APLF: variants seen among roughly 807,000 people sequenced by gnomAD.
APLF encodes aprataxin and PNKP like factor, also known as aprataxin and PNK-like factor.
Under a neutral mutation model 55.6 loss-of-function variants are expected in APLF, and 61 were observed. The observed-to-expected ratio is 1.10, with a 90% CI of 0.89 to 1.36. The LOEUF (loss-of-function observed/expected upper bound fraction) is 1.36. Ranked by LOEUF, APLF falls within the 40% of genes most tolerant of loss-of-function variation. The pLI is 0.00. For synonymous variants in APLF, 207 were observed against 214.8 expected (o/e 0.96, Z 0.32); for missense variants, 611 against 602.5 (o/e 1.01, Z -0.15).
At chr2:68,572,111 G>A (rs1279733659) in intron 9 of APLF, among the ~76,000 whole-genome samples, 5 of 152,004 alleles carry the variant, frequency 3.3e-5, no homozygotes, top group African/African-American at 1.2e-4. Flanking sequence ...AGGAGGCTTA[G>A]TGGGATTTAC....
intron 7 of APLF, 114 bp from the exon 8 acceptor site, chr2:68,545,073 T>G: frequency 1.6e-6 from 2 of 1,219,172 alleles, no homozygotes; most frequent in Non-Finnish European, 2.3e-6. Context: ...ATGTAGCATG[T>G]TGGTTTATGT....
chr2:68,570,758 G>A (rs1296819590), intron 9 of APLF, among the ~76,000 whole-genome samples: 2 of 152,080 alleles, frequency 1.3e-5, no homozygotes, highest in East Asian at 1.9e-4. Flanking sequence ...AAACATATAC[G>A]TGTGCATGTG....
intron 9 of APLF, among the ~76,000 whole-genome samples, chr2:68,575,863 A>G (rs1180462509): frequency 6.6e-6 from 1 of 152,148 alleles, no homozygotes; most frequent in Non-Finnish European, 1.5e-5. Context: ...GTATCCAGAT[A>G]AATGAGTCTG....
At chr2:68,574,892 G>A (rs1379738070) in intron 9 of APLF, among the ~76,000 whole-genome samples, 1 of 152,148 alleles carries the variant, frequency 6.6e-6, no homozygotes, top group African/African-American at 2.4e-5. Flanking sequence ...AAGATGTTCA[G>A]TAGTTGATTT....
At chr2:68,561,725 G>A (rs1038789164) in intron 8 of APLF, among the ~76,000 whole-genome samples, 2 of 151,988 alleles carry the variant, frequency 1.3e-5, no homozygotes, top group Non-Finnish European at 2.9e-5. Flanking sequence ...AGTGCAGAGC[G>A]ATTTCAGCAC....
chr2:68,530,666 GT>G (rs1047834297), intron 6 of APLF, among the ~76,000 whole-genome samples: 16 of 152,140 alleles, frequency 1.1e-4, no homozygotes, highest in African/African-American at 3.9e-4. Flanking sequence ...ACATAATTTG[GT>G]TGTTGTGAGC....
intron 8 of APLF, among the ~76,000 whole-genome samples, chr2:68,551,778 G>T (rs1283285368): frequency 6.8e-6 from 1 of 146,546 alleles, no homozygotes. Context: ...TTGATTGTTG[G>T]GTCATATTTT....
intron 8 of APLF, chr2:68,563,041 A>G (rs545017535): frequency 1.0e-6 from 1 of 984,368 alleles, no homozygotes; most frequent in Non-Finnish European, 1.2e-6. Context: ...CTTTTCCTTC[A>G]TTTTCAGTGA....
intron 6 of APLF, among the ~76,000 whole-genome samples, chr2:68,537,226 A>G (rs969798204): frequency 1.3e-5 from 2 of 152,116 alleles, no homozygotes; most frequent in Non-Finnish European, 2.9e-5. Flanking sequence ...TCATTGTTGA[A>G]CAGTGACATT....
At chr2:68,573,004 T>A (rs1416911061) in intron 9 of APLF, among the ~76,000 whole-genome samples, 1 of 152,112 alleles carries the variant, frequency 6.6e-6, no homozygotes, top group Non-Finnish European at 1.5e-5. Flanking sequence ...AAAAGAAATA[T>A]CAGAAAAACA....
At chr2:68,517,109 A>G (rs1451568408) in intron 5 of APLF, among the ~76,000 whole-genome samples, 4 of 124,816 alleles carry the variant, frequency 3.2e-5, no homozygotes, top group Non-Finnish European at 6.2e-5. Flanking sequence ...ATACTAATAT[A>G]TAATAATACG....
chr2:68,526,394 C>G, intron 6 of APLF, 152 bp downstream of exon 6: 1 of 1,449,972 alleles, frequency 6.9e-7, no homozygotes, highest in Non-Finnish European at 9.6e-7. Flanking sequence ...CTTACTGAAA[C>G]TAATCTTTAA....
At position 68,567,948 on chromosome 2, in the gene APLF, C is replaced by T. The variant is rs572175441; in HGVS notation, c.1333+561C>T. Among the ~76,000 whole-genome samples the T allele has an allele frequency of 1.3e-3, 202 of 152,198 alleles. 1 individual carries two copies. The highest frequency in any genetic ancestry group is 6.8e-3 in the Middle Eastern group (2 of 294). On this transcript the variant is annotated intron_variant, in intron 9 of 9. Coordinates refer to ENST00000303795, the MANE Select transcript of APLF (RefSeq NM_173545.3). ...AAATCAGAAAATTCACTTTTTATTACTGGATTAGATCACAGTCTTAACCTT... is the reference window on the plus strand; with the variant it reads ...AAATCAGAAAATTCACTTTTTATTATTGGATTAGATCACAGTCTTAACCTT...
At chr2:68,471,938 T>G (rs537308011) in intron 1 of APLF, among the ~76,000 whole-genome samples, 1 of 152,216 alleles carries the variant, frequency 6.6e-6, no homozygotes, top group Admixed American at 6.5e-5. Flanking sequence ...TTATATATTT[T>G]AGGGAGGCAT....
chr2:68,477,204 C>A (rs2103880419), intron 1 of APLF, among the ~76,000 whole-genome samples: 1 of 152,288 alleles, frequency 6.6e-6, no homozygotes, highest in East Asian at 1.9e-4. Flanking sequence ...TACTGTACTT[C>A]TGTAATAATT....
At chr2:68,469,339 G>A (rs1675545279) in intron 1 of APLF, among the ~76,000 whole-genome samples, 1 of 152,058 alleles carries the variant, frequency 6.6e-6, no homozygotes, top group Admixed American at 6.6e-5. Context: ...GTTAAAAGGT[G>A]GATGAATTTT....
chr2:68,500,405 C>T (rs1454386701), intron 2 of APLF, among the ~76,000 whole-genome samples: 3 of 152,160 alleles, frequency 2.0e-5, no homozygotes, highest in South Asian at 2.1e-4. Context: ...AAGTGCTTTC[C>T]GCTGAGGAAA....
intron 8 of APLF, among the ~76,000 whole-genome samples, chr2:68,551,603 CTT>C (rs70954311): frequency 6.0e-5 from 7 of 115,736 alleles, no homozygotes; most frequent in Non-Finnish European, 7.3e-5. Flanking sequence ...TCTTCTTCTT[CTT>C]TTTTTTTTTT....
chr2:68,479,478 A>G (rs1483387633), intron 1 of APLF, among the ~76,000 whole-genome samples: 1 of 152,242 alleles, frequency 6.6e-6, no homozygotes, highest in African/African-American at 2.4e-5. Context: ...GAGCTAATAA[A>G]CACTAATTAA....
Sources: allele counts gnomAD v4.1 joint callset (sites outside exome capture counted in the v4.1 genomes callset), GRCh38; gene constraint gnomAD v4.1.1; transcripts MANE v1.5; gene names NCBI Gene and HGNC (gene_info 2026-07-23, HGNC 2026-07-21).